ARID2: variants seen among roughly 807,000 people sequenced by gnomAD.
ARID2 encodes the protein AT-rich interactive domain-containing protein 2.
ARID2 carries 32 observed loss-of-function variants against 184.6 expected under a neutral mutation model. That is an observed-to-expected ratio of 0.17 (90% CI 0.13 to 0.23). The LOEUF (loss-of-function observed/expected upper bound fraction) is 0.23, where lower values mean the gene tolerates loss of function less well. Among genes scored for constraint, ARID2 ranks in the 10% least tolerant of loss-of-function variants. The probability of loss-of-function intolerance (pLI) is 1.00; values close to 1 mark genes in which losing one functional copy is unlikely to be tolerated. For synonymous variants in ARID2, 836 were observed against 772.6 expected (o/e 1.08, Z -1.36); for missense variants, 1,696 against 2,197.6 (o/e 0.77, Z 4.56).
intron 3 of ARID2, among the ~76,000 whole-genome samples, chr12:45,792,898 G>A (rs1034637767): frequency 2.0e-5 from 3 of 152,076 alleles, no homozygotes; most frequent in Non-Finnish European, 2.9e-5. Context: ...TCAACCTTCT[G>A]GATAAAAAGC....
At chr12:45,755,631 A>T (rs993827773) in intron 3 of ARID2, among the ~76,000 whole-genome samples, 3 of 152,346 alleles carry the variant, frequency 2.0e-5, no homozygotes, top group Admixed American at 2.0e-4. Context: ...GTTCATAATC[A>T]TGTAAAATTT....
At chr12:45,783,062 A>G (rs923120212) in intron 3 of ARID2, among the ~76,000 whole-genome samples, 2 of 152,034 alleles carry the variant, frequency 1.3e-5, no homozygotes, top group Non-Finnish European at 2.9e-5. Context: ...TGAACCTGGG[A>G]GGCAGAGGTT....
Position 45,750,246 on chromosome 12 carries a change from G to A in ARID2, c.284+18932G>A, listed in dbSNP as rs1041383997. The stretch of plus-strand genomic sequence containing the variant: ...TGCCCAAGGAGAAGGGAGAGAAATG[G>A]GAGAATGACCAGTCAGTGGAGTAGT... On this transcript the variant is annotated intron_variant, in intron 3 of 20. Coordinates refer to ENST00000334344, the MANE Select transcript of ARID2 (RefSeq NM_152641.4). 1.3e-4 allele frequency among the ~76,000 whole-genome samples: 20 copies of A among 152,100 alleles called. No individual in the cohort carries two copies. The East Asian group carries it at 3.7e-3, about 28-fold the overall frequency.
chr12:45,755,440 C>G (rs146830124), intron 3 of ARID2, among the ~76,000 whole-genome samples: 6 of 152,268 alleles, frequency 3.9e-5, no homozygotes, highest in African/African-American at 1.4e-4. Flanking sequence ...TTTAAAAATA[C>G]TAGACAAGGA....
At chr12:45,776,721 G>A (rs1941988434) in intron 3 of ARID2, among the ~76,000 whole-genome samples, 3 of 151,446 alleles carry the variant, frequency 2.0e-5, no homozygotes, top group South Asian at 4.2e-4. Context: ...AGGCCAAGGC[G>A]GACAGATCGT....
At chr12:45,870,923 T>C (rs533482702) in intron 16 of ARID2, among the ~76,000 whole-genome samples, 24 of 152,222 alleles carry the variant, frequency 1.6e-4, no homozygotes, top group Non-Finnish European at 2.6e-4. Context: ...TAAACATTTA[T>C]GTGTAAGTTT....
intron 16 of ARID2, among the ~76,000 whole-genome samples, chr12:45,878,148 T>C (rs548107964): frequency 6.6e-6 from 1 of 152,294 alleles, no homozygotes; most frequent in South Asian, 2.1e-4. Flanking sequence ...TCTGTGAAGG[T>C]TTTTTTCTTT....
chr12:45,731,659 T>G (rs1427805090), intron 3 of ARID2, among the ~76,000 whole-genome samples: 1 of 152,134 alleles, frequency 6.6e-6, no homozygotes, highest in African/African-American at 2.4e-5. Flanking sequence ...TTAATGAAAC[T>G]TTGTAACCTT....
intron 3 of ARID2, among the ~76,000 whole-genome samples, chr12:45,748,595 C>T (rs1346013473): frequency 6.6e-6 from 1 of 152,102 alleles, no homozygotes; most frequent in African/African-American, 2.4e-5. Context: ...CATCGATCAA[C>T]TCTTTCTTTC....
intron 15 of ARID2, among the ~76,000 whole-genome samples, chr12:45,859,981 CT>C (rs1943714929): frequency 6.6e-6 from 1 of 152,178 alleles, no homozygotes; most frequent in Non-Finnish European, 1.5e-5. Flanking sequence ...ATCCACCCCC[CT>C]GGGCCTCCCA....
intron 3 of ARID2, among the ~76,000 whole-genome samples, chr12:45,754,927 G>A (rs1306463530): frequency 1.3e-5 from 2 of 152,178 alleles, no homozygotes; most frequent in Admixed American, 1.3e-4. Flanking sequence ...GAGATAGAGA[G>A]GGGCCTATGG....
At chr12:45,773,777 G>A (rs2138028020) in intron 3 of ARID2, among the ~76,000 whole-genome samples, 1 of 152,130 alleles carries the variant, frequency 6.6e-6, no homozygotes, top group East Asian at 1.9e-4. Flanking sequence ...GTAAAGCAAA[G>A]GCCCAGATGG....
chr12:45,823,814 GC>G (rs1942941752), intron 6 of ARID2, among the ~76,000 whole-genome samples: 1 of 152,064 alleles, frequency 6.6e-6, no homozygotes, highest in South Asian at 2.1e-4. Context: ...ATGAAGAAAA[GC>G]CCAGGACCGG....
At chr12:45,866,957 T>C (rs1943841182) in intron 16 of ARID2, among the ~76,000 whole-genome samples, 1 of 144,734 alleles carries the variant, frequency 6.9e-6, no homozygotes, top group Non-Finnish European at 1.5e-5. Flanking sequence ...TTGTTGTTGT[T>C]GTTGTTGTTT....
At chr12:45,838,816 C>T (rs1482273128) in intron 10 of ARID2, among the ~76,000 whole-genome samples, 1 of 151,560 alleles carries the variant, frequency 6.6e-6, no homozygotes, top group African/African-American at 2.4e-5. Flanking sequence ...TATCCAGCTC[C>T]CACTCCAGAG....
intron 3 of ARID2, among the ~76,000 whole-genome samples, chr12:45,790,785 G>A (rs1454192544): frequency 6.6e-6 from 1 of 152,154 alleles, no homozygotes; most frequent in Non-Finnish European, 1.5e-5. Context: ...AGTTGTGGTG[G>A]CAGGCATCTT....
At chr12:45,866,928 T>TTTTTG (rs1943840488) in intron 16 of ARID2, among the ~76,000 whole-genome samples, 1 of 150,054 alleles carries the variant, frequency 6.7e-6, no homozygotes, top group African/African-American at 2.5e-5. Flanking sequence ...TTTTGTGAAG[T>TTTTTG]TTGTTGTTGT....
chr12:45,819,778 C>G (rs1307431629), intron 5 of ARID2, among the ~76,000 whole-genome samples: 2 of 151,296 alleles, frequency 1.3e-5, no homozygotes, highest in East Asian at 1.9e-4. Flanking sequence ...GAACCTTGCT[C>G]TGTCCCCTAG....
rs1197126340 is a variant in ARID2 at position 45,837,478 on chromosome 12, C to T, written c.1121-20C>T. 6.2e-7 allele frequency: 1 copy of T among 1,612,454 alleles called. No homozygotes were observed. Among genetic ancestry groups the T allele is most frequent in the Admixed American group, 1.7e-5 (1 of 59,924 alleles). ...AACAAACTATCATTTCTTAGTAATA[C>T]ATATTTGTATGTTTTTCAGGCATGG... On this transcript the variant is annotated intron_variant, in intron 9 of 20. Coordinates refer to ENST00000334344, the MANE Select transcript of ARID2 (RefSeq NM_152641.4).
Sources: allele counts gnomAD v4.1 joint callset (sites outside exome capture counted in the v4.1 genomes callset), GRCh38; gene constraint gnomAD v4.1.1; transcripts MANE v1.5; gene names NCBI Gene and HGNC (gene_info 2026-07-23, HGNC 2026-07-21).